Variants in RRN3 observed in about 807,000 individuals in gnomAD.
The protein encoded by RRN3 is RNA polymerase I transcription factor RRN3, also known as RNA polymerase I-specific transcription initiation factor RRN3.
Under a neutral mutation model 82.3 loss-of-function variants are expected in RRN3, and 38 were observed. That is an observed-to-expected ratio of 0.46 (90% CI 0.36 to 0.61). The LOEUF is 0.61. RRN3 is among the 20% of genes least tolerant of loss of function. The pLI, the probability that RRN3 is intolerant of heterozygous loss-of-function variation, is 0.00. For missense variants in RRN3, 726 were observed against 793.1 expected (o/e 0.92, Z 1.02); for synonymous variants, 284 against 284.3 (o/e 1.00, Z 0.01).
At chr16:15,080,294 A>C (rs905236296) in intron 8 of RRN3, among the ~76,000 whole-genome samples, 198 bp from the exon 9 acceptor site, 1 of 152,256 alleles carries the variant, frequency 6.6e-6, no homozygotes, top group African/African-American at 2.4e-5. Flanking sequence ...CCAGTAAATG[A>C]AATTTTTAAT....
chr16:15,085,899 T>G (rs1201119601), intron 5 of RRN3, among the ~76,000 whole-genome samples: 1 of 152,162 alleles, frequency 6.6e-6, no homozygotes. Flanking sequence ...GGCTAAAAAT[T>G]CCTAGATTTC....
intron 13 of RRN3, among the ~76,000 whole-genome samples, chr16:15,070,484 G>T (rs2045176285): frequency 6.6e-6 from 1 of 151,814 alleles, no homozygotes; most frequent in Non-Finnish European, 1.5e-5. Flanking sequence ...CTAGGAACAG[G>T]TGAGCCCCTA....
At chr16:15,063,108 G>T in intron 17 of RRN3, 88 bp downstream of exon 17, 1 of 983,118 alleles carries the variant, frequency 1.0e-6, no homozygotes, top group Non-Finnish European at 1.7e-6. Flanking sequence ...GGGATTACAC[G>T]CACGAACGAC....
chr16:15,093,921 A>G lies in RRN3; in HGVS notation c.89+224T>C, dbSNP rs563626026. 1,752 of 546,004 alleles carry G rather than the reference A, an allele frequency of 3.2e-3. 23 individuals are homozygous for G. The highest frequency in any genetic ancestry group is 0.027 in the African/African-American group (1,380 of 50,598). 33.8% of individuals were successfully genotyped at this position (546,004 alleles called of 1,614,324 possible). A position where few individuals can be genotyped will look rare whatever the true frequency, so the allele number is the denominator to read the frequency against. The stretch of plus-strand genomic sequence containing the variant: ...AATCACGAAGAGACACAGTCGGGAA[A>G]GGGGGCCTCCAGAACAGAGAACATA... On this transcript the variant is annotated intron_variant, in intron 1 of 17. Transcript: ENST00000198767.
Position 15,060,379 on chromosome 16 carries a change from A to C in RRN3, c.*1365T>G. On this transcript the variant is annotated 3_prime_UTR_variant, in exon 18 of 18. Transcript: ENST00000198767. ...CAATAAAAATTTCTATTTTCCAAAAAAGTATTTACAGACTGAAATTCAAAC... is the reference window on the plus strand; with the variant it reads ...CAATAAAAATTTCTATTTTCCAAAACAGTATTTACAGACTGAAATTCAAAC... 1 of 196,128 alleles carries C rather than the reference A, an allele frequency of 5.1e-6. No individual in the cohort carries two copies. 12.1% of individuals were successfully genotyped at this position (196,128 alleles called of 1,614,324 possible). A position where few individuals can be genotyped will look rare whatever the true frequency, so the allele number is the denominator to read the frequency against.
At chr16:15,078,209 C>G (rs1406389920) in intron 9 of RRN3, among the ~76,000 whole-genome samples, 1 of 152,196 alleles carries the variant, frequency 6.6e-6, no homozygotes, top group East Asian at 1.9e-4. Context: ...GAGCACTGCA[C>G]CAGTGAGCCC....
intron 9 of RRN3, among the ~76,000 whole-genome samples, chr16:15,077,658 G>A (rs1485456848): frequency 7.2e-5 from 11 of 152,140 alleles, no homozygotes; most frequent in Admixed American, 1.3e-4. Context: ...TGGCTAACAC[G>A]GTGAAACCCC....
chr16:15,074,692 T>C, intron 11 of RRN3, 31 bp downstream of exon 11: 1 of 1,571,024 alleles, frequency 6.4e-7, no homozygotes, highest in African/African-American at 1.4e-5. Flanking sequence ...ACACTGCAGG[T>C]GTTCAATAAA....
intron 8 of RRN3, 101 bp downstream of exon 8, chr16:15,083,412 A>G (rs2045785144): frequency 6.5e-7 from 1 of 1,535,574 alleles, no homozygotes; most frequent in Non-Finnish European, 8.8e-7. Flanking sequence ...AAAGAAAAAG[A>G]AAAAGAAAGA....
At chr16:15,080,203 G>T in intron 8 of RRN3, 107 bp from the exon 9 acceptor site, 1 of 1,356,344 alleles carries the variant, frequency 7.4e-7, no homozygotes, top group Non-Finnish European at 9.7e-7. Flanking sequence ...TATTTAAAAA[G>T]AAAAAAACAG....
At position 15,086,159 on chromosome 16, in the gene RRN3, G is replaced by C. The variant is rs1424829721; in HGVS notation, c.442C>G (p.Leu148Val). Residue 148 changes from leucine to valine, a missense_variant, in exon 5 of 18, where the codon CTC becomes GTC. Around this residue, in one of 4 missense-constraint regions of RRN3, gnomAD observed 344 missense variants for 394.5 expected, o/e 0.87. Coordinates refer to ENST00000198767, the MANE Select transcript of RRN3 (RefSeq NM_018427.5). ...SAQTVFLRPC[L>V]SMIASHFVPP... ...ACAAAATGGGAAGCAATCATGCTGAGACACGGTCTGAGGAAAACAGTCTGT... is the reference window on the plus strand; with the variant it reads ...ACAAAATGGGAAGCAATCATGCTGACACACGGTCTGAGGAAAACAGTCTGT... 4 of 1,607,172 alleles carry C rather than the reference G, an allele frequency of 2.5e-6. No individual in the cohort carries two copies. Among genetic ancestry groups the C allele is most frequent in the Admixed American group, 1.7e-5 (1 of 58,616 alleles).
intron 14 of RRN3, among the ~76,000 whole-genome samples, chr16:15,069,637 T>C (rs570297371): frequency 1.4e-4 from 21 of 152,306 alleles, no homozygotes; most frequent in East Asian, 9.7e-4. Flanking sequence ...CCACTAACCA[T>C]GTGATCTTGG....
chr16:15,084,230 A>C (rs1352845793), intron 7 of RRN3, among the ~76,000 whole-genome samples: 1 of 152,192 alleles, frequency 6.6e-6, no homozygotes, highest in Non-Finnish European at 1.5e-5. Flanking sequence ...AAGTTAACAA[A>C]TAATCAACGG....
At chr16:15,079,861 T>G (rs1226938905) in intron 9 of RRN3, 137 bp downstream of exon 9, 14 of 986,700 alleles carry the variant, frequency 1.4e-5, no homozygotes, top group Non-Finnish European at 2.0e-5. Context: ...CCTCCCAAAG[T>G]GCTGGGAATA....
chr16:15,079,109 C>A (rs1187979164), intron 9 of RRN3, among the ~76,000 whole-genome samples: 1 of 151,974 alleles, frequency 6.6e-6, no homozygotes, highest in Non-Finnish European at 1.5e-5. Context: ...CACGCCCGGC[C>A]TCCTCTTCAT....
intron 3 of RRN3, among the ~76,000 whole-genome samples, chr16:15,088,817 G>C: frequency 6.6e-6 from 1 of 152,120 alleles, no homozygotes; most frequent in Non-Finnish European, 1.5e-5. Flanking sequence ...ATAGACCATG[G>C]GGGGCCTTGT....
chr16:15,079,581 C>T (rs1210412790), intron 9 of RRN3, among the ~76,000 whole-genome samples: 3 of 143,362 alleles, frequency 2.1e-5, no homozygotes, highest in Non-Finnish European at 3.0e-5. Flanking sequence ...AAGAATGGTG[C>T]TAGTGGTTTC....
chr16:15,083,968 G>A (rs2941251), intron 7 of RRN3, among the ~76,000 whole-genome samples: 98,337 of 151,384 alleles, frequency 0.65, 33,739 homozygotes, highest in Non-Finnish European at 0.75. Flanking sequence ...CGCCCGCCTC[G>A]GCCTCCCAAA....
intron 14 of RRN3, among the ~76,000 whole-genome samples, chr16:15,069,110 A>G (rs2045109993): frequency 6.6e-6 from 1 of 152,216 alleles, no homozygotes; most frequent in Non-Finnish European, 1.5e-5. Context: ...AAACATATAT[A>G]ATGCAACACA....
Sources: gnomAD v4.1 joint callset for allele counts (sites outside exome capture counted in the v4.1 genomes callset) on GRCh38, gnomAD v4.1.1 for gene constraint, gnomAD v4.1.1 regional missense constraint, MANE v1.5 for transcripts, NCBI Gene and HGNC (gene_info 2026-07-23, HGNC 2026-07-21) for gene names.